The following TIMM29 variants were observed in gnomAD, a reference collection of about 807,000 sequenced individuals.
TIMM29 encodes the protein mitochondrial import inner membrane translocase subunit Tim29.
In TIMM29, 23 loss-of-function variants were observed where a neutral mutation model predicts 19.5. That is an observed-to-expected ratio of 1.18 (90% CI 0.85 to 1.67). TIMM29 has a LOEUF of 1.67. Among genes scored for constraint, TIMM29 ranks in the 40% most tolerant of loss-of-function variants. The pLI is 0.00. For missense variants in TIMM29, 404 were observed against 384.7 expected (o/e 1.05, Z -0.42); for synonymous variants, 209 against 185.0 (o/e 1.13, Z -1.05).
Position 10,929,297 on chromosome 19 carries a change from C to T in TIMM29, c.378C>T (p.Asn126=), listed in dbSNP as rs2083473764. ...GCCGTGGCCGCCTGCGCTACGTCAA[C>T]CTGGGGCTCTGCTCGCTGGTGTACG... ...LRGRGRLRYV[N]LGLCSLVYEA... is the part of the protein sequence containing the mutation. The change falls in exon 2 of 2, where the codon AAC becomes AAT. Residue 126 remains asparagine (N), a synonymous_variant. Coordinates refer to ENST00000270502, the MANE Select transcript of TIMM29 (RefSeq NM_138358.4). 1 of 1,545,320 alleles carries T rather than the reference C, an allele frequency of 6.5e-7. No individual in the cohort carries two copies.
Position 10,930,050 on chromosome 19 carries a change from ACT to A in TIMM29, c.*349_*350del, listed in dbSNP as rs984048814. ...CTGACTTGCAAACTCTTCTAAGGCC[ACT>A]TAGATTTTCTTTTTCAAGTTTGGGT... On this transcript the variant is annotated 3_prime_UTR_variant, in exon 2 of 2. Transcript: ENST00000270502. 22 of 206,348 alleles carry A rather than the reference ACT, an allele frequency of 1.1e-4. No homozygotes were observed. The highest frequency in any genetic ancestry group is 1.5e-4 in the Non-Finnish European group (15 of 103,088). 12.8% of individuals were successfully genotyped at this position (206,348 alleles called of 1,614,324 possible).
Position 10,929,483 on chromosome 19 carries a change from A to G in TIMM29, c.564A>G (p.Glu188=). ...WMRDCDINDD[E]FLHLPAHLRV... is the part of the protein sequence containing the mutation. ...GCGACTGCGACATCAACGACGACGAATTCCTGCACCTGCCGGCGCATTTGC... is the reference window on the plus strand; with the variant it reads ...GCGACTGCGACATCAACGACGACGAGTTCCTGCACCTGCCGGCGCATTTGC... Residue 188 remains glutamate, a synonymous_variant, in exon 2 of 2, where the codon GAA becomes GAG. Coordinates refer to ENST00000270502, the MANE Select transcript of TIMM29 (RefSeq NM_138358.4). 6.2e-7 allele frequency: 1 copy of G among 1,613,040 alleles called. No homozygotes were observed. Among genetic ancestry groups the G allele is most frequent in the Non-Finnish European group, 8.5e-7 (1 of 1,180,000 alleles).
rs2083470235 is a variant in TIMM29 at position 10,929,046 on chromosome 19, G to T, written c.127G>T (p.Ala43Ser). The T allele has an allele frequency of 1.4e-6, 2 of 1,470,194 alleles. No homozygotes were observed. Among genetic ancestry groups the T allele is most frequent in the South Asian group, 2.7e-5 (2 of 73,736 alleles). The allele number at this position is 1,470,194 out of a possible 1,614,324, so 91.1% of individuals were successfully genotyped here. ...GGCCCGCGCGCTGCTCCGGGACTAC[G>T]CCGAGGCCTGCAGGGACGCTTCGGC... ...SWARALLRDY[A>S]EACRDASAEA... The change falls in exon 2 of 2, where the codon GCC becomes TCC. Residue 43 changes from alanine (A) to serine (S), a missense_variant. Physicochemically the swap from Ala to Ser is moderately conservative, Grantham distance 99 (BLOSUM62 1). Transcript: ENST00000270502.
In TIMM29 at chr19:10,929,598, G is replaced by A. The variant is rs1218911437; in HGVS notation, c.679G>A (p.Val227Met). The A allele has an allele frequency of 6.2e-7, 1 of 1,613,086 alleles. No individual in the cohort carries two copies. Among genetic ancestry groups the A allele is most frequent in the Non-Finnish European group, 8.5e-7 (1 of 1,180,032 alleles). The change falls in exon 2 of 2, where the codon GTG becomes ATG. Residue 227 changes from valine to methionine, a missense_variant. Physicochemically the swap from Val to Met is conservative, Grantham distance 21. Coordinates refer to ENST00000270502, the MANE Select transcript of TIMM29 (RefSeq NM_138358.4). ...GCCTGTCGTGCTCACCGACGATCAG[G>A]TGGACCAGGCGCTGTGGGAGGAGCA... Reference protein sequence around the residue: ...YKPVVLTDDQVDQALWEEQVL... With the variant: ...YKPVVLTDDQMDQALWEEQVL...
At position 10,929,207 on chromosome 19, in the gene TIMM29, G is replaced by A; in HGVS notation, c.288G>A (p.Leu96=). The change falls in exon 2 of 2, where the codon CTG becomes CTA. Residue 96 remains leucine, a synonymous_variant. Coordinates refer to ENST00000270502, the MANE Select transcript of TIMM29 (RefSeq NM_138358.4). ...ALLEASGTLL[L]LAPATRNRES... ...TGGAGGCGTCGGGGACCCTCCTGCT[G>A]CTGGCGCCGGCCACCCGCAACCGCG... is the stretch of plus-strand genomic sequence containing the variant. The A allele has an allele frequency of 6.8e-7, 1 of 1,479,904 alleles. No individual in the cohort carries two copies. Among genetic ancestry groups the A allele is most frequent in the South Asian group, 1.3e-5 (1 of 75,120 alleles). The allele number at this position is 1,479,904 out of a possible 1,614,324, so 91.7% of individuals were successfully genotyped here. A position where few individuals can be genotyped will look rare whatever the true frequency, so the allele number is the denominator to read the frequency against.
chr19:10,929,571 A>T lies in TIMM29; in HGVS notation c.652A>T (p.Lys218Ter), dbSNP rs371423456. 20 of 1,612,916 alleles carry T rather than the reference A, an allele frequency of 1.2e-5. No individual in the cohort carries two copies. The highest frequency in any genetic ancestry group is 1.7e-5 in the Admixed American group (1 of 59,988). ...CGAGCGGCTCTTCGATGAGAAGTAC[A>T]AGCCTGTCGTGCTCACCGACGATCA... Reference protein sequence around the residue: ...TNERLFDEKYKPVVLTDDQVD... With the variant: ...TNERLFDEKY Residue 218 changes from lysine to a stop codon, truncating the protein, a stop_gained, in exon 2 of 2, where the codon AAG becomes TAG. Coordinates refer to ENST00000270502, the MANE Select transcript of TIMM29 (RefSeq NM_138358.4). LOFTEE classifies it high-confidence loss of function.
rs1226501132 is a variant in TIMM29 at position 10,929,492 on chromosome 19, C to T, written c.573C>T (p.His191=). Residue 191 remains histidine (H), a synonymous_variant, in exon 2 of 2, where the codon CAC becomes CAT. Transcript: ENST00000270502. Reference sequence around the variant, plus strand: ...ACATCAACGACGACGAATTCCTGCACCTGCCGGCGCATTTGCGGGTGGTCG... The same window carrying T: ...ACATCAACGACGACGAATTCCTGCATCTGCCGGCGCATTTGCGGGTGGTCG... The part of the protein sequence containing the change: ...DCDINDDEFL[H]LPAHLRVVGP... The T allele has an allele frequency of 1.2e-6, 2 of 1,612,986 alleles. No homozygotes were observed. The highest frequency in any genetic ancestry group is 8.5e-7 in the Non-Finnish European group (1 of 1,180,032).
chr19:10,929,836 GC>G lies in TIMM29; in HGVS notation c.*136del, dbSNP rs2083480876. 13 of 993,094 alleles carry G rather than the reference GC, an allele frequency of 1.3e-5. No individual in the cohort carries two copies. The highest frequency in any genetic ancestry group is 1.9e-5 in the Non-Finnish European group (13 of 694,982). The allele number at this position is 993,094 out of a possible 1,614,324, so 61.5% of individuals were successfully genotyped here. A position where few individuals can be genotyped will look rare whatever the true frequency, so the allele number is the denominator to read the frequency against. The stretch of plus-strand genomic sequence containing the variant: ...CACTGGATTTGCACAAGTTTGGGGA[GC>G]CTTTCTGCCCCCCGTCTTTGTTCTT... On this transcript the variant is annotated 3_prime_UTR_variant, in exon 2 of 2. Coordinates refer to ENST00000270502, the MANE Select transcript of TIMM29 (RefSeq NM_138358.4).
Position 10,928,896 on chromosome 19 carries a change from CG to C in TIMM29, c.77del (p.Gly26GlufsTer222). On this transcript the variant is annotated frameshift_variant, in exon 1 of 2. Coordinates refer to ENST00000270502, the MANE Select transcript of TIMM29 (RefSeq NM_138358.4). LOFTEE classifies it high-confidence loss of function. ...AEAGDAVVAK[P>X]GVWARLGSWA... ...GCGGGCGACGCGGTAGTGGCGAAGC[CG>C]GGAGTGTGGGCGCGGCTGGGTGAGT... 2.0e-6 allele frequency: 3 copies of C among 1,522,756 alleles called. No homozygotes were observed. Among genetic ancestry groups the C allele is most frequent in the Non-Finnish European group, 2.6e-6 (3 of 1,141,404 alleles). 94.3% of individuals were successfully genotyped at this position (1,522,756 alleles called of 1,614,324 possible).
In TIMM29 at chr19:10,928,855, C is replaced by A. The variant is rs746010858; in HGVS notation, c.33C>A (p.Ser11=). The part of the protein sequence containing the change: MAAAALRRFW[S]RRRAEAGDAV... ...CGGCGGCTCTGAGGAGATTTTGGTC[C>A]CGGCGCCGCGCAGAGGCGGGCGACG... The change falls in exon 1 of 2, where the codon TCC becomes TCA. Residue 11 remains serine, a synonymous_variant. Coordinates refer to ENST00000270502, the MANE Select transcript of TIMM29 (RefSeq NM_138358.4). 18 of 1,527,492 alleles carry A rather than the reference C, an allele frequency of 1.2e-5. No homozygotes were observed. The African/African-American group carries it at 2.4e-4, about 21-fold the overall frequency. The allele number at this position is 1,527,492 out of a possible 1,614,324, so 94.6% of individuals were successfully genotyped here. A position where few individuals can be genotyped will look rare whatever the true frequency, so the allele number is the denominator to read the frequency against.
rs1471218545 is a variant in TIMM29, at chr19:10,929,009, C to T, written c.95-5C>T. 4 of 1,462,104 alleles carry T rather than the reference C, an allele frequency of 2.7e-6. No homozygotes were observed. Among genetic ancestry groups the T allele is most frequent in the Non-Finnish European group, 3.6e-6 (4 of 1,122,584 alleles). The allele number at this position is 1,462,104 out of a possible 1,614,324, so 90.6% of individuals were successfully genotyped here. A position where few individuals can be genotyped will look rare whatever the true frequency, so the allele number is the denominator to read the frequency against. The stretch of plus-strand genomic sequence containing the variant: ...ATCACTCTTACCGCGCTCCTCTCCC[C>T]TCAGGGTCCTGGGCCCGCGCGCTGC... On this transcript the variant is annotated splice_region_variant and splice_polypyrimidine_tract_variant and intron_variant, in intron 1 of 1. Coordinates refer to ENST00000270502, the MANE Select transcript of TIMM29 (RefSeq NM_138358.4).
Position 10,929,196 on chromosome 19 carries a change from A to T in TIMM29, c.277A>T (p.Thr93Ser). ...FEEALLEASG[T>S]LLLLAPATRN... ...GGAGGCGCTGCTGGAGGCGTCGGGG[A>T]CCCTCCTGCTGCTGGCGCCGGCCAC... is the stretch of plus-strand genomic sequence containing the variant. The change falls in exon 2 of 2, where the codon ACC (threonine) becomes TCC (serine). Residue 93 changes from threonine to serine, a missense_variant. By Grantham distance (58) the Thr-to-Ser change is moderately conservative. Transcript: ENST00000270502. The T allele has an allele frequency of 1.6e-5, 24 of 1,468,548 alleles. No individual in the cohort carries two copies. Among genetic ancestry groups the T allele is most frequent in the Non-Finnish European group, 2.0e-5 (22 of 1,117,396 alleles). 91.0% of individuals were successfully genotyped at this position (1,468,548 alleles called of 1,614,324 possible).
chr19:10,928,812 G>A lies in TIMM29; in HGVS notation c.-11G>A. 6.5e-7 allele frequency: 1 copy of A among 1,528,542 alleles called. No homozygotes were observed. The allele number at this position is 1,528,542 out of a possible 1,614,324, so 94.7% of individuals were successfully genotyped here. ...TTCTTCCCGGAGCAAGGACCCCCAA[G>A]ACGGAAGAGGATGGCCGCGGCGGCT... On this transcript the variant is annotated 5_prime_UTR_variant, in exon 1 of 2. Transcript: ENST00000270502.
chr19:10,928,976 G>A, intron 1 of TIMM29, 38 bp from the exon 2 acceptor site: 1 of 1,465,980 alleles, frequency 6.8e-7, no homozygotes, highest in Admixed American at 2.8e-5. Flanking sequence ...GGTGGCCGCC[G>A]CGGCCGGATC....
chr19:10,929,574 C>T lies in TIMM29; in HGVS notation c.655C>T (p.Pro219Ser), dbSNP rs769236430. The T allele has an allele frequency of 1.2e-6, 2 of 1,613,098 alleles. No individual in the cohort carries two copies. ...GCGGCTCTTCGATGAGAAGTACAAG[C>T]CTGTCGTGCTCACCGACGATCAGGT... Reference protein sequence around the residue: ...NERLFDEKYKPVVLTDDQVDQ... With the variant: ...NERLFDEKYKSVVLTDDQVDQ... The change falls in exon 2 of 2, where the codon CCT becomes TCT. Residue 219 changes from proline to serine, a missense_variant. Coordinates refer to ENST00000270502, the MANE Select transcript of TIMM29 (RefSeq NM_138358.4).
In TIMM29 at chr19:10,929,008, C is replaced by G; in HGVS notation, c.95-6C>G. On this transcript the variant is annotated splice_region_variant and splice_polypyrimidine_tract_variant and intron_variant, in intron 1 of 1. Transcript: ENST00000270502. Reference sequence around the variant, plus strand: ...GATCACTCTTACCGCGCTCCTCTCCCCTCAGGGTCCTGGGCCCGCGCGCTG... The same window carrying G: ...GATCACTCTTACCGCGCTCCTCTCCGCTCAGGGTCCTGGGCCCGCGCGCTG... 1.4e-6 allele frequency: 2 copies of G among 1,461,334 alleles called. No homozygotes were observed. The highest frequency in any genetic ancestry group is 1.8e-6 in the Non-Finnish European group (2 of 1,122,182). 90.5% of individuals were successfully genotyped at this position (1,461,334 alleles called of 1,614,324 possible). A position where few individuals can be genotyped will look rare whatever the true frequency, so the allele number is the denominator to read the frequency against.
rs1401686258 is a variant in TIMM29 at position 10,929,313 on chromosome 19, C to T, written c.394C>T (p.Leu132=). ...LRYVNLGLCS[L]VYEAPFDAQA... ...CTACGTCAACCTGGGGCTCTGCTCG[C>T]TGGTGTACGAGGCGCCCTTCGACGC... Residue 132 remains leucine (L), a synonymous_variant, in exon 2 of 2, where the codon CTG becomes TTG. Transcript: ENST00000270502. 1.3e-6 allele frequency: 2 copies of T among 1,551,774 alleles called. No homozygotes were observed. The highest frequency in any genetic ancestry group is 2.7e-5 in the African/African-American group (2 of 73,450).
chr19:10,929,247 G>GT lies in TIMM29; in HGVS notation c.329dup (p.Gln111AlafsTer105). 6.5e-7 allele frequency: 1 copy of GT among 1,530,126 alleles called. No homozygotes were observed. The allele number at this position is 1,530,126 out of a possible 1,614,324, so 94.8% of individuals were successfully genotyped here. A position where few individuals can be genotyped will look rare whatever the true frequency, so the allele number is the denominator to read the frequency against. ...CCGCAACCGCGAGTCCGAAGCCTTC[G>GT]TGCAGAGGCTGCTCTGGCTGCGGGG... On this transcript the variant is annotated frameshift_variant, in exon 2 of 2. Transcript: ENST00000270502. LOFTEE classifies it high-confidence loss of function.
chr19:10,929,100 G>A lies in TIMM29; in HGVS notation c.181G>A (p.Ala61Thr). ...GGCTAGGGCCCGGCCGGGGCGCGCCGCTGTGTATGTGGGTCTGCTGGGCGG... is the reference window on the plus strand; with the variant it reads ...GGCTAGGGCCCGGCCGGGGCGCGCCACTGTGTATGTGGGTCTGCTGGGCGG... ...AEARARPGRAAVYVGLLGGAA... is the reference protein window; with the variant it reads ...AEARARPGRATVYVGLLGGAA... The change falls in exon 2 of 2, where the codon GCT (alanine) becomes ACT (threonine). Residue 61 changes from alanine (A) to threonine (T), a missense_variant. Physicochemically the swap from Ala to Thr is moderately conservative, Grantham distance 58 (BLOSUM62 0). Coordinates refer to ENST00000270502, the MANE Select transcript of TIMM29 (RefSeq NM_138358.4). The A allele has an allele frequency of 6.9e-7, 1 of 1,457,030 alleles. No homozygotes were observed. Among genetic ancestry groups the A allele is most frequent in the Admixed American group, 2.8e-5 (1 of 36,348 alleles). 90.3% of individuals were successfully genotyped at this position (1,457,030 alleles called of 1,614,324 possible). A position where few individuals can be genotyped will look rare whatever the true frequency, so the allele number is the denominator to read the frequency against.
Sources: allele counts gnomAD v4.1 joint callset, GRCh38; gene constraint gnomAD v4.1.1; transcripts MANE v1.5; gene names NCBI Gene and HGNC (gene_info 2026-07-23, HGNC 2026-07-21).